The following MED13L variants were observed in gnomAD, a reference collection of about 807,000 sequenced individuals.
The protein encoded by MED13L is mediator complex subunit 13L, also known as mediator of RNA polymerase II transcription subunit 13-like.
Under a neutral mutation model 220.9 loss-of-function variants are expected in MED13L, and 7 were observed. The ratio of observed to expected loss-of-function variants is 0.03; its 90% CI spans 0.02 to 0.06. The LOEUF (loss-of-function observed/expected upper bound fraction) is 0.06. Ranked by LOEUF, MED13L falls within the 10% of genes least tolerant of loss-of-function variation. The pLI is 1.00. For synonymous variants in MED13L, 1,011 were observed against 1,015.2 expected (o/e 1.00, Z 0.08); for missense variants, 1,965 against 2,760.5 (o/e 0.71, Z 6.46).
At chr12:116,271,454 C>T (rs914800435) in intron 1 of MED13L, among the ~76,000 whole-genome samples, 1 of 151,786 alleles carries the variant, frequency 6.6e-6, no homozygotes, top group African/African-American at 2.4e-5. Flanking sequence ...ATTAGCCAGA[C>T]ATGGTGGCAG....
intron 4 of MED13L, among the ~76,000 whole-genome samples, chr12:116,072,357 C>T (rs554646359): frequency 2.0e-5 from 3 of 152,332 alleles, no homozygotes; most frequent in East Asian, 1.9e-4. Context: ...CAAATATTCA[C>T]GTGCCTGCTA....
At chr12:116,150,698 C>G (rs1461867220) in intron 2 of MED13L, among the ~76,000 whole-genome samples, 1 of 152,176 alleles carries the variant, frequency 6.6e-6, no homozygotes, top group African/African-American at 2.4e-5. Context: ...TTATTATTAT[C>G]TGTTTGTACA....
At chr12:116,020,599 G>C (rs1486368772) in intron 5 of MED13L, among the ~76,000 whole-genome samples, 1 of 152,176 alleles carries the variant, frequency 6.6e-6, no homozygotes, top group African/African-American at 2.4e-5. Flanking sequence ...GACTGTTTTA[G>C]AGGTCTGTTG....
chr12:116,225,857 CAA>C (rs1019217695), intron 2 of MED13L, among the ~76,000 whole-genome samples: 2 of 151,976 alleles, frequency 1.3e-5, no homozygotes, highest in Non-Finnish European at 2.9e-5. Context: ...TCAAGATTAG[CAA>C]AAAGTCTTAC....
At chr12:116,009,246 A>G (rs1488256528) in intron 9 of MED13L, 114 bp from the exon 10 acceptor site, 6 of 1,001,936 alleles carry the variant, frequency 6.0e-6, no homozygotes, top group Non-Finnish European at 7.4e-6. Flanking sequence ...AAAGGGCTCT[A>G]AGTTTTTAAT....
rs776664401 is a variant in MED13L, at chr12:115,983,161, G to A, written c.4911C>T (p.Asp1637=). ...AGGGCTGAGAAGAGCTCTGCCCAGG[G>A]TCAGTGTCTCCACCACAGCCTATGT... ...QGNIGCGGDT[D]PGQSSSQPSQ... The change falls in exon 21 of 31, where the codon GAC becomes GAT. Residue 1637 remains aspartate (D), a synonymous_variant. Coordinates refer to ENST00000281928, the MANE Select transcript of MED13L (RefSeq NM_015335.5). The A allele has an allele frequency of 4.3e-6, 7 of 1,614,090 alleles. No homozygotes were observed. The highest frequency in any genetic ancestry group is 8.5e-7 in the Non-Finnish European group (1 of 1,179,998).
At chr12:116,261,826 C>T (rs1872538661) in intron 1 of MED13L, among the ~76,000 whole-genome samples, 1 of 152,204 alleles carries the variant, frequency 6.6e-6, no homozygotes, top group African/African-American at 2.4e-5. Context: ...GTCAACTCTA[C>T]CTCCAAAATA....
intron 4 of MED13L, among the ~76,000 whole-genome samples, chr12:116,031,717 A>G (rs1024318674): frequency 1.3e-5 from 1 of 79,324 alleles, no homozygotes; most frequent in Non-Finnish European, 2.3e-5. Context: ...AAAGAAAAGA[A>G]AAGAAAAGAA....
intron 1 of MED13L, chr12:116,276,352 GCGGA>G: frequency 2.1e-5 from 15 of 727,250 alleles, no homozygotes; most frequent in Non-Finnish European, 2.6e-5. Flanking sequence ...GTGTGTGTGT[GCGGA>G]TTCGTTGTTA....
In MED13L at chr12:116,009,055, G is replaced by T; in HGVS notation, c.1358C>A (p.Pro453Gln). ...TVSQPGFSAG[P>Q]SSSSSLPPPA... ...AGGTGGTAAAGATGAAGATGATGAT[G>T]GTCCTGCACTGAACCCTGGTTGAGA... The change falls in exon 10 of 31, where the codon CCA becomes CAA. Residue 453 changes from proline (P) to glutamine (Q), a missense_variant. By Grantham distance (76) the Pro-to-Gln change is moderately conservative. Transcript: ENST00000281928. 1 of 1,614,060 alleles carries T rather than the reference G, an allele frequency of 6.2e-7. No individual in the cohort carries two copies. The highest frequency in any genetic ancestry group is 8.5e-7 in the Non-Finnish European group (1 of 1,179,982).
chr12:116,234,822 T>C (rs892969804), intron 2 of MED13L, among the ~76,000 whole-genome samples: 10 of 151,894 alleles, frequency 6.6e-5, no homozygotes, highest in African/African-American at 2.4e-4. Flanking sequence ...CACACCTGGC[T>C]AATTTTTTTT....
chr12:116,232,337 A>C (rs1192209295), intron 2 of MED13L, among the ~76,000 whole-genome samples: 4 of 152,236 alleles, frequency 2.6e-5, no homozygotes, highest in African/African-American at 9.6e-5. Flanking sequence ...AATCAAAAAA[A>C]GAGACAACAT....
At chr12:116,163,697 T>A (rs986548378) in intron 2 of MED13L, among the ~76,000 whole-genome samples, 2 of 152,158 alleles carry the variant, frequency 1.3e-5, no homozygotes, top group African/African-American at 4.8e-5. Context: ...TTTACAAAAA[T>A]TCATAGTAAA....
Position 115,984,377 on chromosome 12 carries a change from T to A in MED13L, c.4339-5A>T, listed in dbSNP as rs1877543065. The stretch of plus-strand genomic sequence containing the variant: ...GTGCTGCCCAAGCCTACACATCTGA[T>A]ATCATAGACAAGATCATTAGTTATA... On this transcript the variant is annotated splice_polypyrimidine_tract_variant and splice_region_variant and intron_variant, in intron 19 of 30. Coordinates refer to ENST00000281928, the MANE Select transcript of MED13L (RefSeq NM_015335.5). The A allele has an allele frequency of 6.2e-7, 1 of 1,613,842 alleles. No individual in the cohort carries two copies. Among genetic ancestry groups the A allele is most frequent in the African/African-American group, 1.3e-5 (1 of 74,922 alleles).
At chr12:116,226,214 A>G (rs1565937761) in intron 2 of MED13L, among the ~76,000 whole-genome samples, 1 of 152,116 alleles carries the variant, frequency 6.6e-6, no homozygotes, top group Non-Finnish European at 1.5e-5. Flanking sequence ...AACTAATTGT[A>G]TGATCATGTG....
At chr12:116,108,408 G>A (rs1195332863) in intron 3 of MED13L, among the ~76,000 whole-genome samples, 1 of 146,656 alleles carries the variant, frequency 6.8e-6, no homozygotes, top group Non-Finnish European at 1.5e-5. Flanking sequence ...GGGGCGCGTG[G>A]GGGGTGGGGG....
intron 4 of MED13L, among the ~76,000 whole-genome samples, chr12:116,081,691 A>T (rs575361905): frequency 6.6e-6 from 1 of 152,152 alleles, no homozygotes; most frequent in East Asian, 1.9e-4. Context: ...ACATAATGAG[A>T]CCCTGTCTCT....
At chr12:116,161,657 T>C (rs998556114) in intron 2 of MED13L, among the ~76,000 whole-genome samples, 3 of 152,172 alleles carry the variant, frequency 2.0e-5, no homozygotes, top group Non-Finnish European at 2.9e-5. Context: ...AAAGTTACTA[T>C]GGATTAAGCC....
At chr12:116,205,532 G>GAAAAAAAAAAAAAAAAAAGAAAA (rs34982320) in intron 2 of MED13L, among the ~76,000 whole-genome samples, 3 of 94,034 alleles carry the variant, frequency 3.2e-5, no homozygotes, top group Admixed American at 1.3e-4. Context: ...CAAAGGAAGA[G>GAAAAAAAAAAAAAAAAAAGAAAA]AAAAAAAAAA....
Sources: gnomAD v4.1 joint callset for allele counts (sites outside exome capture counted in the v4.1 genomes callset) on GRCh38, gnomAD v4.1.1 for gene constraint, MANE v1.5 for transcripts, NCBI Gene and HGNC (gene_info 2026-07-23, HGNC 2026-07-21) for gene names.